The following WRAP73 variants were observed in gnomAD, a reference collection of about 807,000 sequenced individuals.
The protein encoded by WRAP73 is WD repeat containing, antisense to TP73.
WRAP73 carries 55 observed loss-of-function variants against 59.6 expected under a neutral mutation model. The observed-to-expected ratio is 0.92, with a 90% CI of 0.74 to 1.15. WRAP73 has a LOEUF of 1.15. Ranked by LOEUF, WRAP73 falls within the 50% of genes most tolerant of loss-of-function variation. WRAP73 has a pLI of 0.00. For missense variants in WRAP73, 592 were observed against 608.1 expected, an observed-to-expected ratio of 0.97 and a Z score of 0.28; for synonymous variants, 265 against 258.2, an observed-to-expected ratio of 1.03 and a Z score of -0.25.
intron 9 of WRAP73, chr1:3,633,144 C>T: frequency 2.2e-6 from 1 of 453,422 alleles, no homozygotes; most frequent in Admixed American, 4.0e-5. Context: ...AAAAACATCC[C>T]CTCGGAGCTC....
At chr1:3,648,139 C>T (rs1644708308) in intron 1 of WRAP73, among the ~76,000 whole-genome samples, 1 of 152,354 alleles carries the variant, frequency 6.6e-6, no homozygotes, top group South Asian at 2.1e-4. Flanking sequence ...CTCCATTAAC[C>T]TATTCCTAAC....
In WRAP73 at chr1:3,650,009, C is replaced by A; in HGVS notation, c.-10G>T. On this transcript the variant is annotated 5_prime_UTR_variant, in exon 1 of 12. It adds an upstream start codon to the 5' untranslated region. Transcript: ENST00000270708. ...CCTCGGAGAAGTTCATGGCCGCCGCCTGCCGCGGGCGCCACCCTGCGCCCG... is the reference window on the plus strand; with the variant it reads ...CCTCGGAGAAGTTCATGGCCGCCGCATGCCGCGGGCGCCACCCTGCGCCCG... The A allele has an allele frequency of 6.3e-7, 1 of 1,585,946 alleles. No individual in the cohort carries two copies. The highest frequency in any genetic ancestry group is 1.1e-5 in the South Asian group (1 of 87,502).
chr1:3,647,608 A>AG, intron 1 of WRAP73, 48 bp from the exon 2 acceptor site: 1 of 1,591,114 alleles, frequency 6.3e-7, no homozygotes, highest in South Asian at 1.1e-5. Context: ...ACTCCAAAAG[A>AG]GGGGGGCCTT....
intron 3 of WRAP73, among the ~76,000 whole-genome samples, chr1:3,641,071 C>T (rs927629010): frequency 6.6e-6 from 1 of 152,244 alleles, no homozygotes; most frequent in South Asian, 2.1e-4. Context: ...GTTAAATATA[C>T]ACCTTCATCA....
At chr1:3,645,804 C>CGCGCTGAGCTCAGCACGGAGGCTG (rs1249625034) in intron 3 of WRAP73, among the ~76,000 whole-genome samples, 3 of 152,278 alleles carry the variant, frequency 2.0e-5, no homozygotes, top group African/African-American at 7.2e-5. Flanking sequence ...CATTCCCCTC[C>CGCGCTGAGCTCAGCACGGAGGCTG]GCGCTGAGCT....
At chr1:3,649,567 T>C (rs1644720952) in intron 1 of WRAP73, among the ~76,000 whole-genome samples, 1 of 152,104 alleles carries the variant, frequency 6.6e-6, no homozygotes, top group African/African-American at 2.4e-5. Flanking sequence ...GGTATCTTCC[T>C]GGGTCCCGCA....
rs1035594117 is a variant in WRAP73, at chr1:3,646,137, G to A, written c.339+529C>T. ...CCGCCAATCTACCAGCCACTCGGGA[G>A]CCACCTCAGTCATCAGACCCAGGGC... On this transcript the variant is annotated intron_variant, in intron 3 of 11. Coordinates refer to ENST00000270708, the MANE Select transcript of WRAP73 (RefSeq NM_017818.4). The surrounding 1 kb of genome is among the most constrained non-coding windows in gnomAD (Gnocchi z 5.1). 1.3e-5 allele frequency among the ~76,000 whole-genome samples: 2 copies of A among 152,174 alleles called. No individual in the cohort carries two copies. The highest frequency in any genetic ancestry group is 2.9e-5 in the Non-Finnish European group (2 of 68,024).
rs778170259 is a variant in WRAP73 at position 3,635,020 on chromosome 1, C to G, written c.793G>C (p.Ala265Pro). Reference sequence around the variant, plus strand: ...ACTATCTTGGGATCATTAATGGCTGCAGGATGCCCAAACTCCGTGATCATT... The same window carrying G: ...ACTATCTTGGGATCATTAATGGCTGGAGGATGCCCAAACTCCGTGATCATT... The part of the protein sequence containing the change: ...WKMITEFGHP[A>P]AINDPKIVVY... The change falls in exon 8 of 12, where the codon GCA (alanine) becomes CCA (proline). Residue 265 changes from alanine (A) to proline (P), a missense_variant. Transcript: ENST00000270708. 1.2e-6 allele frequency: 2 copies of G among 1,614,214 alleles called. No homozygotes were observed. Among genetic ancestry groups the G allele is most frequent in the East Asian group, 2.2e-5 (1 of 44,878 alleles).
In WRAP73 at chr1:3,647,492, C is replaced by A; in HGVS notation, c.138G>T (p.Thr46=). 6.2e-7 allele frequency: 1 copy of A among 1,613,958 alleles called. No homozygotes were observed. ...VNTLQILQLY[T]CLDQIQHIEW... Reference sequence around the variant, plus strand: ...CGATGTGCTGGATCTGGTCTAGGCACGTGTACAGCTGAAGGATCTGAAGGG... The same window carrying A: ...CGATGTGCTGGATCTGGTCTAGGCAAGTGTACAGCTGAAGGATCTGAAGGG... Residue 46 remains threonine (T), a synonymous_variant, in exon 2 of 12, where the codon ACG becomes ACT. Coordinates refer to ENST00000270708, the MANE Select transcript of WRAP73 (RefSeq NM_017818.4).
chr1:3,636,994 C>G lies in WRAP73; in HGVS notation c.516+1G>C. ...TTATTCCAGTCTGGGGGACGCCTTA[C>G]CCGCAGGAGCTGCCAATCACTGCAG... is the stretch of plus-strand genomic sequence containing the variant. On this transcript the variant is annotated splice_donor_variant, in intron 5 of 11. Transcript: ENST00000270708. LOFTEE classifies it high-confidence loss of function. 1 of 1,613,516 alleles carries G rather than the reference C, an allele frequency of 6.2e-7. No homozygotes were observed. Among genetic ancestry groups the G allele is most frequent in the South Asian group, 1.1e-5 (1 of 91,044 alleles).
At position 3,631,498 on chromosome 1, in the gene WRAP73, G is replaced by A. The variant is rs367621103; in HGVS notation, c.1208C>T (p.Ala403Val). 50 of 1,607,384 alleles carry A rather than the reference G, an allele frequency of 3.1e-5. No homozygotes were observed. Among genetic ancestry groups the A allele is most frequent in the South Asian group, 2.7e-4 (24 of 90,142 alleles). The part of the protein sequence containing the change: ...GGSRLYLWSP[A>V]GCMSVQVPGE... ...AGGCACCTGCACCGACATGCAGCCC[G>A]CTGGGGACCACAGGTAGAGCCTGCT... The change falls in exon 11 of 12, where the codon GCG (alanine) becomes GTG (valine). Residue 403 changes from alanine to valine, a missense_variant. By Grantham distance (64) the Ala-to-Val change is moderately conservative. Transcript: ENST00000270708.
chr1:3,649,837 G>A (rs1361387362), intron 1 of WRAP73, 94 bp downstream of exon 1: 20 of 1,378,096 alleles, frequency 1.5e-5, no homozygotes, highest in Non-Finnish European at 1.9e-5. Context: ...GGATCCCCAA[G>A]CTGCCTCCAC....
intron 3 of WRAP73, among the ~76,000 whole-genome samples, chr1:3,643,633 G>A (rs1644667837): frequency 7.3e-6 from 1 of 136,608 alleles, no homozygotes; most frequent in South Asian, 2.7e-4. Context: ...CCGGACATGG[G>A]GTCGCGCCTT....
At chr1:3,643,402 C>A (rs1219915862) in intron 3 of WRAP73, among the ~76,000 whole-genome samples, 1 of 152,238 alleles carries the variant, frequency 6.6e-6, no homozygotes, top group Non-Finnish European at 1.5e-5. Context: ...GGCAGTGTTC[C>A]GCTGCAGGCC....
rs1264708925 is a variant in WRAP73 at position 3,630,824 on chromosome 1, T to C, written c.*151A>G. On this transcript the variant is annotated 3_prime_UTR_variant, in exon 12 of 12. Coordinates refer to ENST00000270708, the MANE Select transcript of WRAP73 (RefSeq NM_017818.4). Reference sequence around the variant, plus strand: ...ATAATAAAACTACAGTTTTATACCATACATATTTACAAAAATGCTTTGCTA... The same window carrying C: ...ATAATAAAACTACAGTTTTATACCACACATATTTACAAAAATGCTTTGCTA... 10 of 951,460 alleles carry C rather than the reference T, an allele frequency of 1.1e-5. 1 individual carries two copies. The Admixed American group carries it at 2.0e-4, about 19-fold the overall frequency. The allele number at this position is 951,460 out of a possible 1,614,324, so 58.9% of individuals were successfully genotyped here.
Position 3,633,023 on chromosome 1 carries a change from C to A in WRAP73, c.922+375G>T, listed in dbSNP as rs959748105. 1.1e-5 allele frequency: 3 copies of A among 271,702 alleles called. No individual in the cohort carries two copies. In the East Asian group the frequency reaches 3.7e-4, roughly 34 times the overall value. The allele number at this position is 271,702 out of a possible 1,614,324, so 16.8% of individuals were successfully genotyped here. ...CAGAGTCAAGAGGCTGCATCAGAAC[C>A]GGGCCTCAAGCCGGAGACAGCGCTC... On this transcript the variant is annotated intron_variant, in intron 9 of 11. Coordinates refer to ENST00000270708, the MANE Select transcript of WRAP73 (RefSeq NM_017818.4).
chr1:3,631,885 ATTTT>A, intron 10 of WRAP73: 4 of 1,333,648 alleles, frequency 3.0e-6, no homozygotes, highest in South Asian at 2.0e-5. Flanking sequence ...TTTCTTTGGT[ATTTT>A]TTTTTTTTTT....
In WRAP73 at chr1:3,631,863, CA is replaced by C. The variant is rs146179088; in HGVS notation, c.1049-207del. On this transcript the variant is annotated intron_variant, in intron 10 of 11. Transcript: ENST00000270708. ...TGGCCATCACGGGCTGTAAGGGGCC[CA>C]AATGTGTTTCTTTCTTTGGTATTTT... 1,131 of 1,398,264 alleles carry C rather than the reference CA, an allele frequency of 8.1e-4. 11 individuals are homozygous for C. The African/African-American group carries it at 0.015, about 19-fold the overall frequency. 86.6% of individuals were successfully genotyped at this position (1,398,264 alleles called of 1,614,324 possible).
intron 1 of WRAP73, 127 bp downstream of exon 1, chr1:3,649,804 C>A (rs1055744348): frequency 5.9e-6 from 6 of 1,010,888 alleles, no homozygotes; most frequent in East Asian, 3.0e-5. Flanking sequence ...GGGCCCCGCA[C>A]CTGTCCGGGC....
Sources: allele counts gnomAD v4.1 joint callset (sites outside exome capture counted in the v4.1 genomes callset), GRCh38; gene constraint gnomAD v4.1.1; non-coding constraint Gnocchi (gnomAD v3.1); transcripts MANE v1.5; gene names NCBI Gene and HGNC (gene_info 2026-07-23, HGNC 2026-07-21).